Variants in NEBL observed in about 807,000 individuals in gnomAD.
NEBL encodes the protein LIM and SH3 protein 2.
NEBL carries 122 observed loss-of-function variants against 140.2 expected under a neutral mutation model. The ratio of observed to expected loss-of-function variants is 0.87; its 90% confidence interval spans 0.75 to 1.01. The LOEUF is 1.01. Ranked by LOEUF, NEBL falls within the 50% of genes least tolerant of loss-of-function variation. NEBL has a pLI of 0.00. For missense variants in NEBL, 1,365 were observed against 1,231.3 expected (o/e 1.11, Z -1.62); for synonymous variants, 436 against 398.9 (o/e 1.09, Z -1.11).
chr10:20,859,669 A>C (rs750143903), intron 8 of NEBL, 44 bp downstream of exon 8: 9 of 1,304,188 alleles, frequency 6.9e-6, no homozygotes, highest in Non-Finnish European at 1.0e-5. Context: ...AAAAAACAAG[A>C]ATCAAAAGAT....
chr10:21,045,607 T>C (rs1318734579), intron 2 of NEBL, among the ~76,000 whole-genome samples: 1 of 152,076 alleles, frequency 6.6e-6, no homozygotes, highest in African/African-American at 2.4e-5. Flanking sequence ...GGCCAACAGG[T>C]GTGTGAAAAA....
chr10:20,815,121 T>C (rs1256199831), intron 22 of NEBL, among the ~76,000 whole-genome samples: 1 of 152,222 alleles, frequency 6.6e-6, no homozygotes, highest in Non-Finnish European at 1.5e-5. Flanking sequence ...GGAAGCACAA[T>C]ATTCAGATAA....
chr10:20,976,156 G>A (rs1385424643), intron 3 of NEBL, among the ~76,000 whole-genome samples: 1 of 151,456 alleles, frequency 6.6e-6, no homozygotes, highest in Non-Finnish European at 1.5e-5. Context: ...CCAACATGGT[G>A]AAACCCCATC....
At chr10:21,184,746 T>C (rs1439797902) in intron 3 of NEBL, among the ~76,000 whole-genome samples, 8 of 152,242 alleles carry the variant, frequency 5.3e-5, no homozygotes, top group Admixed American at 4.6e-4. Context: ...TAGAATTTTA[T>C]GACATAAGAA....
chr10:20,942,060 A>C (rs1323800959), intron 4 of NEBL, among the ~76,000 whole-genome samples: 1 of 152,214 alleles, frequency 6.6e-6, no homozygotes, highest in Non-Finnish European at 1.5e-5. Context: ...GCTACCAATG[A>C]CTTTCTTCAC....
chr10:21,198,706 C>T (rs985999691), intron 3 of NEBL, among the ~76,000 whole-genome samples: 2 of 152,118 alleles, frequency 1.3e-5, no homozygotes, highest in African/African-American at 4.8e-5. Flanking sequence ...CATACCCCTC[C>T]CACTGCCAGC....
At chr10:20,842,541 C>T (rs1841494968) in intron 12 of NEBL, among the ~76,000 whole-genome samples, 1 of 152,012 alleles carries the variant, frequency 6.6e-6, no homozygotes, top group African/African-American at 2.4e-5. Flanking sequence ...ACCAAAAGTC[C>T]TCTTTTTCAA....
At chr10:21,128,576 G>A (rs931337692) in intron 2 of NEBL, among the ~76,000 whole-genome samples, 3 of 152,126 alleles carry the variant, frequency 2.0e-5, no homozygotes, top group South Asian at 4.1e-4. Flanking sequence ...AAAATCCACA[G>A]TAAGGATCCT....
chr10:20,861,939 C>T (rs1248636878), intron 7 of NEBL, among the ~76,000 whole-genome samples: 2 of 152,184 alleles, frequency 1.3e-5, no homozygotes, highest in Non-Finnish European at 2.9e-5. Flanking sequence ...ATCACAGCTT[C>T]GCCTGGCCTA....
At chr10:21,106,056 T>G (rs978714235) in intron 2 of NEBL, among the ~76,000 whole-genome samples, 7 of 152,074 alleles carry the variant, frequency 4.6e-5, no homozygotes, top group African/African-American at 9.7e-5. Flanking sequence ...CTGGTAAATT[T>G]GTTTAAGTTC....
chr10:21,167,592 A>C (rs943306644), intron 2 of NEBL, among the ~76,000 whole-genome samples: 3 of 152,340 alleles, frequency 2.0e-5, no homozygotes, highest in East Asian at 3.9e-4. Context: ...CCTCTCAAGA[A>C]ATTTTAAGAA....
intron 2 of NEBL, among the ~76,000 whole-genome samples, chr10:21,102,035 G>T (rs78164859): frequency 6.6e-6 from 1 of 152,170 alleles, no homozygotes; most frequent in African/African-American, 2.4e-5. Flanking sequence ...GTAGCATTCC[G>T]TTAAGGGCTT....
intron 2 of NEBL, among the ~76,000 whole-genome samples, chr10:21,158,359 T>C (rs934869274): frequency 2.0e-5 from 3 of 152,224 alleles, no homozygotes; most frequent in Admixed American, 6.5e-5. Context: ...TTATACAGTG[T>C]CTACTCTATG....
intron 4 of NEBL, among the ~76,000 whole-genome samples, chr10:20,926,049 T>G (rs1277276894): frequency 1.3e-5 from 2 of 152,220 alleles, no homozygotes; most frequent in African/African-American, 4.8e-5. Flanking sequence ...AAGAACATTT[T>G]GTTTAACTAA....
At chr10:20,940,324 C>T (rs1481723316) in intron 4 of NEBL, among the ~76,000 whole-genome samples, 1 of 150,064 alleles carries the variant, frequency 6.7e-6, no homozygotes, top group Admixed American at 6.7e-5. Context: ...ACAACCTGCT[C>T]CTGAATGACT....
At chr10:21,068,248 G>C (rs1349635919) in intron 2 of NEBL, among the ~76,000 whole-genome samples, 1 of 152,178 alleles carries the variant, frequency 6.6e-6, no homozygotes, top group African/African-American at 2.4e-5. Context: ...TCAATAAACA[G>C]GTTTAATTTA....
intron 4 of NEBL, among the ~76,000 whole-genome samples, chr10:20,954,947 C>G (rs182053826): frequency 1.8e-4 from 28 of 152,324 alleles, no homozygotes; most frequent in Admixed American, 9.8e-4. Flanking sequence ...AGCACTAAGC[C>G]AGGGACAGCC....
chr10:21,104,073 T>G (rs910931182), intron 2 of NEBL, among the ~76,000 whole-genome samples: 1 of 152,358 alleles, frequency 6.6e-6, no homozygotes, highest in East Asian at 1.9e-4. Context: ...CCAGCTGAAT[T>G]AACTTGGTGT....
At chr10:20,944,870 T>C (rs990209443) in intron 4 of NEBL, among the ~76,000 whole-genome samples, 2 of 152,150 alleles carry the variant, frequency 1.3e-5, no homozygotes, top group Non-Finnish European at 2.9e-5. Context: ...CCTAGTGCCA[T>C]AATCATACCC....
Sources: allele counts gnomAD v4.1 joint callset (sites outside exome capture counted in the v4.1 genomes callset), GRCh38; gene constraint gnomAD v4.1.1; transcripts MANE v1.5; gene names NCBI Gene and HGNC (gene_info 2026-07-23, HGNC 2026-07-21).